Variants in DMC1 observed in about 807,000 individuals in gnomAD.
DMC1 encodes DNA meiotic recombinase 1.
DMC1 carries 27 observed loss-of-function variants against 50.1 expected under a neutral mutation model. The observed-to-expected ratio is 0.54, with a 90% CI of 0.40 to 0.74. DMC1 has a LOEUF of 0.74. Among genes scored for constraint, DMC1 ranks in the 30% least tolerant of loss-of-function variants. DMC1 has a pLI of 0.00. For synonymous variants in DMC1, 148 were observed against 136.1 expected (o/e 1.09, Z -0.61); for missense variants, 295 against 420.2 (o/e 0.70, Z 2.60).
chr22:38,509,568 G>T, the DMC1 span, among the ~76,000 whole-genome samples: 1 of 152,162 alleles, frequency 6.6e-6, no homozygotes. Context: ...AATGTACATT[G>T]TCGGGGTGAA....
chr22:38,516,294 A>G (rs1284093878), downstream of DMC1, among the ~76,000 whole-genome samples: 2 of 152,202 alleles, frequency 1.3e-5, no homozygotes, highest in Non-Finnish European at 2.9e-5. Flanking sequence ...CAGATGCCAT[A>G]TTGAAACCAG....
chr22:38,523,261 A>G (rs1374877618), intron 12 of DMC1, among the ~76,000 whole-genome samples: 1 of 152,216 alleles, frequency 6.6e-6, no homozygotes, highest in African/African-American at 2.4e-5. Flanking sequence ...ATGGTAGTAA[A>G]GCAATAAAGC....
intron 8 of DMC1, among the ~76,000 whole-genome samples, chr22:38,543,165 C>A (rs995464596): frequency 6.6e-5 from 10 of 152,062 alleles, no homozygotes; most frequent in African/African-American, 2.4e-4. Context: ...TTGAGTAATA[C>A]CACACAAGCA....
downstream of DMC1, among the ~76,000 whole-genome samples, chr22:38,516,426 C>T (rs1275753166): frequency 6.6e-6 from 1 of 152,126 alleles, no homozygotes; most frequent in Non-Finnish European, 1.5e-5. Context: ...CTCTGAATTT[C>T]AAGTCTTGAG....
rs149953894 is a variant in DMC1, at chr22:38,548,902, G to A, written c.494+1023C>T. ...AACATCACCTTTTCTCTTTTTCTCT[G>A]AAGCATGATCTTTCCAGTTCTATTG... On this transcript the variant is annotated intron_variant, in intron 8 of 13. Coordinates refer to ENST00000216024, the MANE Select transcript of DMC1 (RefSeq NM_007068.4). 9.0e-4 allele frequency among the ~76,000 whole-genome samples: 136 copies of A among 151,260 alleles called. 1 individual carries two copies. The highest frequency in any genetic ancestry group is 4.1e-3 in the East Asian group (21 of 5,160).
At chr22:38,536,378 T>C (rs1055355042) in intron 12 of DMC1, among the ~76,000 whole-genome samples, 1 of 152,198 alleles carries the variant, frequency 6.6e-6, no homozygotes, top group Non-Finnish European at 1.5e-5. Context: ...TGCTCAAAAT[T>C]TGTTACGGTG....
intron 7 of DMC1, among the ~76,000 whole-genome samples, chr22:38,551,863 T>C (rs867041019): frequency 0.013 from 1,853 of 142,756 alleles, 17 homozygotes; most frequent in Middle Eastern, 0.032. Flanking sequence ...TTTCTTTTTT[T>C]TTTTTTTTTT....
intron 8 of DMC1, among the ~76,000 whole-genome samples, chr22:38,542,665 A>G (rs1477141402): frequency 1.3e-5 from 2 of 152,220 alleles, no homozygotes; most frequent in Non-Finnish European, 2.9e-5. Context: ...ATTCCTATCA[A>G]AATACCAATG....
At chr22:38,566,448 T>C in intron 4 of DMC1, 142 bp downstream of exon 4, 2 of 900,530 alleles carry the variant, frequency 2.2e-6, no homozygotes, top group African/African-American at 1.7e-5. Flanking sequence ...ACTGAAGTGA[T>C]AAAAAGTTAA....
intron 13 of DMC1, 74 bp downstream of exon 13, chr22:38,521,534 T>G: frequency 2.1e-6 from 2 of 949,074 alleles, no homozygotes; most frequent in Non-Finnish European, 1.6e-6. Context: ...CAAAACCCCG[T>G]CTCTACACAC....
At chr22:38,558,190 C>T (rs188074073) in intron 5 of DMC1, among the ~76,000 whole-genome samples, 5 of 150,966 alleles carry the variant, frequency 3.3e-5, no homozygotes, top group East Asian at 3.9e-4. Context: ...GTGATCCACC[C>T]GCCTCAGCCT....
intron 12 of DMC1, among the ~76,000 whole-genome samples, chr22:38,524,103 G>A (rs887536031): frequency 5.3e-5 from 8 of 152,028 alleles, no homozygotes; most frequent in Non-Finnish European, 1.0e-4. Flanking sequence ...GGATGACATT[G>A]CCTGCTACTT....
At chr22:38,559,879 G>A (rs1477233998) in intron 5 of DMC1, among the ~76,000 whole-genome samples, 1 of 151,906 alleles carries the variant, frequency 6.6e-6, no homozygotes, top group African/African-American at 2.4e-5. Context: ...TTAGCCGGGC[G>A]TGGTGGCGGG....
At chr22:38,561,008 T>C (rs5757140) in intron 5 of DMC1, among the ~76,000 whole-genome samples, 38,653 of 151,818 alleles carry the variant, frequency 0.25, 5,371 homozygotes, top group East Asian at 0.36. Flanking sequence ...CTTAATTTTT[T>C]TTTTTCAGAC....
chr22:38,555,187 C>T (rs368537159), intron 6 of DMC1, among the ~76,000 whole-genome samples, 170 bp downstream of exon 6: 93 of 151,808 alleles, frequency 6.1e-4, no homozygotes, highest in African/African-American at 2.1e-3. Context: ...TATATATTTT[C>T]GTTGCAGTAC....
At chr22:38,569,243 A>C (rs1435372788) in intron 1 of DMC1, 1 of 152,186 alleles carries the variant, frequency 6.6e-6, no homozygotes, top group Admixed American at 6.5e-5. Flanking sequence ...AAGCAGTTAA[A>C]GTTTTTAACA....
At chr22:38,551,598 G>A (rs2090411904) in intron 7 of DMC1, among the ~76,000 whole-genome samples, 1 of 152,050 alleles carries the variant, frequency 6.6e-6, no homozygotes, top group South Asian at 2.1e-4. Flanking sequence ...CCAAAGTGCT[G>A]GGATTACAGG....
downstream of DMC1, among the ~76,000 whole-genome samples, chr22:38,516,193 G>A (rs2089975477): frequency 6.6e-6 from 1 of 152,152 alleles, no homozygotes; most frequent in Non-Finnish European, 1.5e-5. Context: ...CCAAGTTACA[G>A]CTTTTTAGTT....
rs763315719 is a variant in DMC1, at chr22:38,541,278, T to C, written c.495-1866A>G. Among the ~76,000 whole-genome samples, 7 of 152,272 alleles carry C rather than the reference T, an allele frequency of 4.6e-5. No individual in the cohort carries two copies. In the Middle Eastern group the frequency reaches 0.01, roughly 222 times the overall value. On this transcript the variant is annotated intron_variant, in intron 8 of 13. Coordinates refer to ENST00000216024, the MANE Select transcript of DMC1 (RefSeq NM_007068.4). ...TAGATCAAAAGAAGTTAATCACTTA[T>C]ATATTTTTAAAAATTTTTATTTTAT...
Sources: allele counts gnomAD v4.1 joint callset (sites outside exome capture counted in the v4.1 genomes callset), GRCh38; gene constraint gnomAD v4.1.1; transcripts MANE v1.5; gene names NCBI Gene and HGNC (gene_info 2026-07-23, HGNC 2026-07-21).